The following CCDC13 variants were observed in gnomAD, a reference collection of about 807,000 sequenced individuals.
CCDC13 encodes coiled-coil domain-containing protein 13.
A neutral mutation model predicts 87.3 loss-of-function variants in CCDC13; 70 were observed. The observed-to-expected ratio is 0.80, with a 90% CI of 0.66 to 0.98. The LOEUF (loss-of-function observed/expected upper bound fraction) is 0.98, where lower values mean the gene tolerates loss of function less well. Ranked by LOEUF, CCDC13 falls within the 50% of genes least tolerant of loss-of-function variation. CCDC13 has a pLI of 0.00. For synonymous variants in CCDC13, 317 were observed against 360.3 expected (o/e 0.88, Z 1.36); for missense variants, 842 against 892.0 (o/e 0.94, Z 0.71).
intron 9 of CCDC13, among the ~76,000 whole-genome samples, chr3:42,736,474 T>C (rs186590882): frequency 1.3e-5 from 2 of 152,326 alleles, no homozygotes; most frequent in East Asian, 3.9e-4. Flanking sequence ...AAGGGCATAT[T>C]GCTGGTGAAT....
chr3:42,757,030 G>A (rs1699718746), intron 3 of CCDC13, 36 bp downstream of exon 3: 1 of 1,599,380 alleles, frequency 6.3e-7, no homozygotes, highest in South Asian at 1.1e-5. Context: ...TCCCTGGACT[G>A]CAGGGCAAGG....
intron 1 of CCDC13, among the ~76,000 whole-genome samples, chr3:42,761,701 T>C (rs1478725972): frequency 6.6e-6 from 1 of 152,216 alleles, no homozygotes; most frequent in Non-Finnish European, 1.5e-5. Context: ...AGATGCCCCT[T>C]AGCCACAAAG....
In CCDC13 at chr3:42,755,985, T is replaced by C. The variant is rs181145193; in HGVS notation, c.370+1081A>G. Among the ~76,000 whole-genome samples the C allele has an allele frequency of 1.4e-4, 21 of 152,304 alleles. 1 individual carries two copies. In the East Asian group the frequency reaches 1.7e-3, roughly 13 times the overall value. On this transcript the variant is annotated intron_variant, in intron 3 of 15. Transcript: ENST00000310232. ...TAGGCTTCCTTAGCCAGGCTTTGTG[T>C]TTTTTGTTTCAGACAGAAAAGGCCA...
Position 42,708,769 on chromosome 3 carries a change from G to T in CCDC13, c.*211C>A. On this transcript the variant is annotated 3_prime_UTR_variant, in exon 16 of 16. Coordinates refer to ENST00000310232, the MANE Select transcript of CCDC13 (RefSeq NM_144719.4). ...TGCTGCTGTAACCCAGCCAGCCCAG[G>T]GTCTCCTGCAGTGTCCCACCAGGGC... 1 of 474,270 alleles carries T rather than the reference G, an allele frequency of 2.1e-6. No individual in the cohort carries two copies. Among genetic ancestry groups the T allele is most frequent in the African/African-American group, 2.0e-5 (1 of 49,640 alleles). 29.4% of individuals were successfully genotyped at this position (474,270 alleles called of 1,614,324 possible).
chr3:42,725,772 A>G (rs1039828391), intron 13 of CCDC13, among the ~76,000 whole-genome samples: 2 of 152,170 alleles, frequency 1.3e-5, no homozygotes, highest in African/African-American at 4.8e-5. Context: ...ACAAATGCAG[A>G]ACACCTCCAC....
At chr3:42,746,624 C>T (rs990366007) in intron 6 of CCDC13, 2 of 164,392 alleles carry the variant, frequency 1.2e-5, no homozygotes, top group African/African-American at 2.4e-5. Context: ...CACAGAAACC[C>T]GATCCAGCGT....
In CCDC13 at chr3:42,707,684, ATG is replaced by A. The variant is rs1190468031; in HGVS notation, c.*1294_*1295del. 6.6e-6 allele frequency among the ~76,000 whole-genome samples: 1 copy of A among 152,214 alleles called. No individual in the cohort carries two copies. The highest frequency in any genetic ancestry group is 1.5e-5 in the Non-Finnish European group (1 of 68,034). ...AGTGGCTATGTCTTCACGTGTGGGA[ATG>A]TGTGTCCACATCCACATGTGTGTGC... On this transcript the variant is annotated 3_prime_UTR_variant, in exon 16 of 16. Coordinates refer to ENST00000310232, the MANE Select transcript of CCDC13 (RefSeq NM_144719.4).
At chr3:42,750,070 C>A in intron 5 of CCDC13, 1 of 382,020 alleles carries the variant, frequency 2.6e-6, no homozygotes, top group South Asian at 1.9e-5. Flanking sequence ...TCTCTCAGAA[C>A]CTGGAACCTC....
chr3:42,741,270 C>T (rs1699207088), intron 8 of CCDC13, among the ~76,000 whole-genome samples: 1 of 152,198 alleles, frequency 6.6e-6, no homozygotes, highest in South Asian at 2.1e-4. Context: ...TCTGTCCTCA[C>T]TGTCCCAGGT....
chr3:42,771,200 G>C (rs182290186), intron 1 of CCDC13: 1 of 152,152 alleles, frequency 6.6e-6, no homozygotes, highest in Admixed American at 6.5e-5. Context: ...TGAAGAAGCC[G>C]GTCTGAAAAG....
chr3:42,731,384 C>T (rs1698827111), intron 12 of CCDC13, among the ~76,000 whole-genome samples: 1 of 152,016 alleles, frequency 6.6e-6, no homozygotes, highest in Non-Finnish European at 1.5e-5. Flanking sequence ...AGTTCCCCCA[C>T]TAAACATTGA....
chr3:42,742,160 A>C (rs1699242346), intron 8 of CCDC13, among the ~76,000 whole-genome samples: 1 of 152,180 alleles, frequency 6.6e-6, no homozygotes. Context: ...AAGCTTGACC[A>C]ATCAAAACAC....
At chr3:42,757,450 G>A (rs1314941943) in intron 2 of CCDC13, among the ~76,000 whole-genome samples, 1 of 152,160 alleles carries the variant, frequency 6.6e-6, no homozygotes, top group Admixed American at 6.5e-5. Flanking sequence ...ATATATTACA[G>A]GGCTGGGTGT....
chr3:42,769,909 C>A (rs1477405681), intron 1 of CCDC13, among the ~76,000 whole-genome samples: 1 of 152,262 alleles, frequency 6.6e-6, no homozygotes, highest in African/African-American at 2.4e-5. Flanking sequence ...CCCCGCAGGG[C>A]AGGGCTGGGG....
At chr3:42,763,556 G>A (rs1699876712) in intron 1 of CCDC13, among the ~76,000 whole-genome samples, 1 of 150,306 alleles carries the variant, frequency 6.7e-6, no homozygotes, top group Non-Finnish European at 1.5e-5. Flanking sequence ...CCAGGCTGGA[G>A]CGCAGTGGCA....
intron 1 of CCDC13, among the ~76,000 whole-genome samples, chr3:42,760,917 G>A (rs893279058): frequency 6.6e-6 from 1 of 152,008 alleles, no homozygotes; most frequent in Non-Finnish European, 1.5e-5. Context: ...CTTTTGTGAT[G>A]TGTCTATTCA....
chr3:42,771,503 T>A (rs1045265958), intron 1 of CCDC13, among the ~76,000 whole-genome samples: 5 of 152,152 alleles, frequency 3.3e-5, no homozygotes, highest in Non-Finnish European at 7.3e-5. Context: ...ACCTGTAATC[T>A]CAACACTCTA....
At chr3:42,710,060 G>T (rs1010297858) in intron 14 of CCDC13, among the ~76,000 whole-genome samples, 12 of 151,046 alleles carry the variant, frequency 7.9e-5, no homozygotes, top group Non-Finnish European at 1.5e-4. Flanking sequence ...TCACCACCCT[G>T]TCTCCATCTT....
chr3:42,771,402 T>C (rs905636252), intron 1 of CCDC13, among the ~76,000 whole-genome samples: 1 of 152,096 alleles, frequency 6.6e-6, no homozygotes, highest in Non-Finnish European at 1.5e-5. Flanking sequence ...CTGTATACTT[T>C]ACTGGTGGAT....
Sources: gnomAD v4.1 joint callset for allele counts (sites outside exome capture counted in the v4.1 genomes callset) on GRCh38, gnomAD v4.1.1 for gene constraint, MANE v1.5 for transcripts, NCBI Gene and HGNC (gene_info 2026-07-23, HGNC 2026-07-21) for gene names.